Variants in CAMK4 observed in about 807,000 individuals in gnomAD.
CAMK4 encodes calcium/calmodulin dependent protein kinase IV.
In CAMK4, 22 loss-of-function variants were observed where a neutral mutation model predicts 44.9. That is an observed-to-expected ratio of 0.49 (90% CI 0.35 to 0.70). The LOEUF (loss-of-function observed/expected upper bound fraction) is 0.70. CAMK4 is among the 30% of genes least tolerant of loss of function. The pLI is 0.01. For missense variants in CAMK4, 498 were observed against 586.8 expected, an observed-to-expected ratio of 0.85 and a Z score of 1.56; for synonymous variants, 218 against 215.4, an observed-to-expected ratio of 1.01 and a Z score of -0.11.
At chr5:111,429,917 C>CAA (rs139404786) in intron 5 of CAMK4, among the ~76,000 whole-genome samples, 1,461 of 135,792 alleles carry the variant, frequency 0.011, 21 homozygotes, top group African/African-American at 0.037. Context: ...CAAACTATTC[C>CAA]AAAAAAAAAA....
rs116399889 is a variant in CAMK4, at chr5:111,352,274, A to G, written c.240+8172A>G. On this transcript the variant is annotated intron_variant, in intron 2 of 10. Transcript: ENST00000282356. Reference sequence around the variant, plus strand: ...AATGAAAATAGCTATTATTTATTGAATGTTTATAATGTGTCAGAGACTGGT... The same window carrying G: ...AATGAAAATAGCTATTATTTATTGAGTGTTTATAATGTGTCAGAGACTGGT... 4.5e-3 allele frequency among the ~76,000 whole-genome samples: 691 copies of G among 152,224 alleles called. 7 individuals carry two copies. The highest frequency in any genetic ancestry group is 0.016 in the African/African-American group (662 of 41,544).
At chr5:111,300,798 T>C (rs1747686671) in intron 1 of CAMK4, among the ~76,000 whole-genome samples, 1 of 152,244 alleles carries the variant, frequency 6.6e-6, no homozygotes, top group African/African-American at 2.4e-5. Flanking sequence ...TATTTTAACA[T>C]CATTTTTAAC....
At chr5:111,258,696 G>T (rs2112556485) in intron 1 of CAMK4, among the ~76,000 whole-genome samples, 1 of 151,650 alleles carries the variant, frequency 6.6e-6, no homozygotes, top group East Asian at 1.9e-4. Context: ...TTTGGGTGGG[G>T]ACACAGCCAA....
intron 1 of CAMK4, among the ~76,000 whole-genome samples, chr5:111,269,778 C>T (rs937495861): frequency 3.3e-5 from 5 of 152,186 alleles, no homozygotes; most frequent in Non-Finnish European, 5.9e-5. Flanking sequence ...GAGCCACCTT[C>T]TTGTACTTGT....
At chr5:111,313,763 T>G (rs978872158) in intron 1 of CAMK4, among the ~76,000 whole-genome samples, 3 of 152,152 alleles carry the variant, frequency 2.0e-5, no homozygotes, top group African/African-American at 4.8e-5. Context: ...TTTAAGTGAA[T>G]TTCATCTGGA....
chr5:111,378,946 G>A (rs1391719810), intron 4 of CAMK4, among the ~76,000 whole-genome samples: 8 of 151,966 alleles, frequency 5.3e-5, no homozygotes, highest in African/African-American at 1.9e-4. Context: ...AGCTAATTTG[G>A]GTATTGCCAC....
intron 1 of CAMK4, among the ~76,000 whole-genome samples, chr5:111,226,432 A>G (rs893425725): frequency 2.6e-5 from 4 of 152,198 alleles, no homozygotes; most frequent in Non-Finnish European, 5.9e-5. Context: ...AAGCTTCTCA[A>G]CTTATGATGG....
intron 2 of CAMK4, among the ~76,000 whole-genome samples, chr5:111,351,596 G>A (rs1175177548): frequency 2.0e-5 from 3 of 151,160 alleles, no homozygotes; most frequent in African/African-American, 7.3e-5. Context: ...TTTTTTAGTA[G>A]AGATGGGGTT....
At chr5:111,316,639 G>A (rs1033743059) in intron 1 of CAMK4, among the ~76,000 whole-genome samples, 1 of 152,040 alleles carries the variant, frequency 6.6e-6, no homozygotes, top group African/African-American at 2.4e-5. Context: ...CTGCAACTGC[G>A]TTATTTGTTT....
intron 2 of CAMK4, among the ~76,000 whole-genome samples, chr5:111,368,729 G>A (rs888439817): frequency 1.3e-4 from 19 of 151,986 alleles, no homozygotes; most frequent in Admixed American, 1.1e-3. Flanking sequence ...CGTAAATCAG[G>A]TTTTGTTGCT....
chr5:111,368,345 T>C (rs1044209713), intron 2 of CAMK4, among the ~76,000 whole-genome samples: 4 of 152,114 alleles, frequency 2.6e-5, no homozygotes, highest in African/African-American at 9.7e-5. Context: ...TAGGAAAATA[T>C]TATTCATTCT....
chr5:111,494,012 A>T lies in CAMK4; in HGVS notation c.*9546A>T, dbSNP rs2112523874. The T allele has an allele frequency of 6.6e-6, 1 of 152,268 alleles. No homozygotes were observed. The highest frequency in any genetic ancestry group is 1.9e-4 in the East Asian group (1 of 5,176). The allele number at this position is 152,268 out of a possible 1,614,324, so 9.4% of individuals were successfully genotyped here. A position where few individuals can be genotyped will look rare whatever the true frequency, so the allele number is the denominator to read the frequency against. On this transcript the variant is annotated 3_prime_UTR_variant, in exon 11 of 11. Transcript: ENST00000282356. Reference sequence around the variant, plus strand: ...GGGCTTTTCAGGCTTATGTGACATTATCTGGATGTGTTTTCTAGTCTTTCC... The same window carrying T: ...GGGCTTTTCAGGCTTATGTGACATTTTCTGGATGTGTTTTCTAGTCTTTCC...
Position 111,277,132 on chromosome 5 carries a change from A to C in CAMK4, c.161+52488A>C, listed in dbSNP as rs1032522293. Among the ~76,000 whole-genome samples, 3 of 152,352 alleles carry C rather than the reference A, an allele frequency of 2.0e-5. No individual in the cohort carries two copies. In the South Asian group the frequency reaches 6.2e-4, roughly 32 times the overall value. ...ACCTAATTTTCATTAAGATGTTAAC[A>C]CATGGATGATAAATTTTGAGAAATT... On this transcript the variant is annotated intron_variant, in intron 1 of 10. Transcript: ENST00000282356.
intron 1 of CAMK4, among the ~76,000 whole-genome samples, chr5:111,311,182 G>A (rs1446811340): frequency 1.3e-5 from 2 of 152,008 alleles, no homozygotes; most frequent in Admixed American, 1.3e-4. Flanking sequence ...ACGTGACATC[G>A]GTTTATCTGG....
At chr5:111,317,930 G>GAAAAAAAAAAAAAAAAAAAAAAAAAAAA in intron 1 of CAMK4, among the ~76,000 whole-genome samples, 1 of 71,670 alleles carries the variant, frequency 1.4e-5, no homozygotes, top group Admixed American at 1.5e-4. Context: ...AAAAAAAAAG[G>GAAAAAAAAAAAAAAAAAAAAAAAAAAAA]AAAACAGGAT....
chr5:111,320,847 C>A (rs181445312), intron 1 of CAMK4, among the ~76,000 whole-genome samples: 81 of 152,294 alleles, frequency 5.3e-4, no homozygotes, highest in Non-Finnish European at 1.1e-3. Flanking sequence ...CATTGTCTTT[C>A]ACATTTTAAC....
At position 111,224,873 on chromosome 5, in the gene CAMK4, C is replaced by A. The variant is rs558549915; in HGVS notation, c.161+229C>A. Among the ~76,000 whole-genome samples the A allele has an allele frequency of 7.9e-5, 12 of 152,222 alleles. No homozygotes were observed. The highest frequency in any genetic ancestry group is 7.8e-4 in the Admixed American group (12 of 15,302). On this transcript the variant is annotated intron_variant, in intron 1 of 10. Coordinates refer to ENST00000282356, the MANE Select transcript of CAMK4 (RefSeq NM_001744.6). This position sits in a 1 kb window ranked among gnomAD's most constrained non-coding sequence, Gnocchi z 5.7. ...CTGTAGGATCAGCCCGACTCCCTCCCACCTTCCCTCCTTCTCGCAGGCTGC... is the reference window on the plus strand; with the variant it reads ...CTGTAGGATCAGCCCGACTCCCTCCAACCTTCCCTCCTTCTCGCAGGCTGC...
chr5:111,235,935 A>T (rs1276970147), intron 1 of CAMK4, among the ~76,000 whole-genome samples: 1 of 152,166 alleles, frequency 6.6e-6, no homozygotes, highest in East Asian at 1.9e-4. Context: ...GGACAGCTGG[A>T]TTGGTGAAGA....
intron 2 of CAMK4, among the ~76,000 whole-genome samples, chr5:111,356,531 G>T (rs1251456753): frequency 4.6e-5 from 7 of 152,212 alleles, no homozygotes; most frequent in East Asian, 3.9e-4. Flanking sequence ...GTCAATTTTG[G>T]CTTTTGTTAC....
Sources: allele counts gnomAD v4.1 joint callset (sites outside exome capture counted in the v4.1 genomes callset), GRCh38; gene constraint gnomAD v4.1.1; non-coding constraint Gnocchi (gnomAD v3.1); transcripts MANE v1.5; gene names NCBI Gene and HGNC (gene_info 2026-07-23, HGNC 2026-07-21).